The following CBL variants were observed in gnomAD, a reference collection of about 807,000 sequenced individuals.
The protein encoded by CBL is E3 ubiquitin-protein ligase CBL.
In CBL, 45 loss-of-function variants were observed where a neutral mutation model predicts 96.9. The observed-to-expected ratio is 0.46, with a 90% CI of 0.37 to 0.60. CBL has a LOEUF of 0.60. Among genes scored for constraint, CBL ranks in the 20% least tolerant of loss-of-function variants. The pLI, the probability that CBL is intolerant of heterozygous loss-of-function variation, is 0.00. For missense variants in CBL, 1,024 were observed against 1,143.5 expected, an observed-to-expected ratio of 0.90 and a Z score of 1.51; for synonymous variants, 420 against 426.8, an observed-to-expected ratio of 0.98 and a Z score of 0.20.
chr11:119,224,654 G>A (rs1461542040), intron 1 of CBL, among the ~76,000 whole-genome samples: 4 of 152,090 alleles, frequency 2.6e-5, no homozygotes, highest in African/African-American at 9.7e-5. Context: ...GCAGTGGCGT[G>A]ACCTTGGCTC....
intron 9 of CBL, among the ~76,000 whole-genome samples, chr11:119,280,941 C>T (rs1437148094): frequency 6.6e-6 from 1 of 152,200 alleles, no homozygotes; most frequent in African/African-American, 2.4e-5. Flanking sequence ...CTTTTGCTTT[C>T]TTATACAACT....
intron 2 of CBL, among the ~76,000 whole-genome samples, chr11:119,251,548 A>G (rs1949669852): frequency 6.6e-6 from 1 of 152,246 alleles, no homozygotes; most frequent in Non-Finnish European, 1.5e-5. Context: ...ATTTAAGAGA[A>G]GTTACACATG....
intron 2 of CBL, among the ~76,000 whole-genome samples, chr11:119,238,151 G>C (rs1371590762): frequency 1.3e-5 from 2 of 151,778 alleles, no homozygotes; most frequent in Non-Finnish European, 2.9e-5. Context: ...GCAGGTGTGA[G>C]CCACTGTGCC....
At chr11:119,206,687 C>G in intron 1 of CBL, 75 bp downstream of exon 1, 1 of 1,099,268 alleles carries the variant, frequency 9.1e-7, no homozygotes, top group South Asian at 1.6e-5. Flanking sequence ...AACGAGCGGA[C>G]GGAGGAAGCG....
At chr11:119,292,667 GCCTTGGC>G (rs1398232715) in intron 12 of CBL, among the ~76,000 whole-genome samples, 2 of 152,072 alleles carry the variant, frequency 1.3e-5, no homozygotes, top group African/African-American at 4.8e-5. Context: ...TGATCTGCCC[GCCTTGGC>G]CTCCCAAAGT....
chr11:119,263,046 CATT>C (rs928848571), intron 2 of CBL, among the ~76,000 whole-genome samples: 26 of 152,170 alleles, frequency 1.7e-4, no homozygotes, highest in African/African-American at 6.3e-4. Flanking sequence ...TATTTCAAAG[CATT>C]ATGAGAATTA....
chr11:119,266,397 C>T (rs1042854887), intron 2 of CBL, among the ~76,000 whole-genome samples: 1 of 152,056 alleles, frequency 6.6e-6, no homozygotes, highest in Admixed American at 6.6e-5. Flanking sequence ...ATTGTGATTC[C>T]TATGAAGTTG....
intron 1 of CBL, among the ~76,000 whole-genome samples, chr11:119,230,394 C>T (rs1190784039): frequency 6.6e-6 from 1 of 152,178 alleles, no homozygotes; most frequent in Non-Finnish European, 1.5e-5. Flanking sequence ...CCCGCCTCAG[C>T]CTCCCAAAGT....
intron 2 of CBL, among the ~76,000 whole-genome samples, chr11:119,269,116 A>G (rs747797202): frequency 6.6e-6 from 1 of 152,064 alleles, no homozygotes; most frequent in Non-Finnish European, 1.5e-5. Context: ...TTCATATTCC[A>G]TTTGTGATAT....
chr11:119,242,759 AAAG>A (rs1163174018), intron 2 of CBL, among the ~76,000 whole-genome samples: 9 of 151,168 alleles, frequency 6.0e-5, no homozygotes, highest in African/African-American at 1.2e-4. Context: ...AAAAAAAAAA[AAAG>A]AAACCAGTTT....
At chr11:119,278,409 A>G (rs1226291971) in intron 8 of CBL, 101 bp from the exon 9 acceptor site, 1 of 1,546,822 alleles carries the variant, frequency 6.5e-7, no homozygotes, top group Non-Finnish European at 8.9e-7. Flanking sequence ...TTAGGTTTAA[A>G]CTTTTACTTT....
intron 12 of CBL, among the ~76,000 whole-genome samples, chr11:119,294,232 C>G (rs1769393513): frequency 6.6e-6 from 1 of 151,488 alleles, no homozygotes; most frequent in Non-Finnish European, 1.5e-5. Flanking sequence ...ATATCGAGAC[C>G]AGCCTGGGCA....
Position 119,307,401 on chromosome 11 carries a change from G to A in CBL, c.*7620G>A, listed in dbSNP as rs1950152822. 4.3e-6 allele frequency: 1 copy of A among 232,890 alleles called. No homozygotes were observed. The highest frequency in any genetic ancestry group is 5.6e-5 in the Admixed American group (1 of 17,722). 14.4% of individuals were successfully genotyped at this position (232,890 alleles called of 1,614,324 possible). On this transcript the variant is annotated 3_prime_UTR_variant, in exon 16 of 16. Transcript: ENST00000264033. ...GTTGGTGGCTTTGTCTTTTCTTTTT[G>A]CTGGATCCTGAACTGGTCTAGACCT...
chr11:119,259,402 C>T (rs968628139), intron 2 of CBL, among the ~76,000 whole-genome samples: 2 of 151,956 alleles, frequency 1.3e-5, no homozygotes, highest in African/African-American at 4.8e-5. Flanking sequence ...TGTTTTTCCC[C>T]ATTTATTGAA....
At chr11:119,207,950 G>T (rs1949287554) in intron 1 of CBL, among the ~76,000 whole-genome samples, 2 of 152,178 alleles carry the variant, frequency 1.3e-5, no homozygotes, top group African/African-American at 4.8e-5. Context: ...TAAGTCCTGT[G>T]TGTGAATTAA....
At chr11:119,266,949 A>G (rs1234819634) in intron 2 of CBL, among the ~76,000 whole-genome samples, 1 of 152,206 alleles carries the variant, frequency 6.6e-6, no homozygotes, top group African/African-American at 2.4e-5. Context: ...TCACTGTGTG[A>G]GTTAAGGTAA....
intron 2 of CBL, among the ~76,000 whole-genome samples, chr11:119,268,124 AAT>A (rs1346075662): frequency 2.0e-5 from 3 of 152,236 alleles, no homozygotes; most frequent in Non-Finnish European, 4.4e-5. Context: ...AAAGCCTTAA[AAT>A]CCAAGCTGAG....
chr11:119,294,186 T>C (rs778254519), intron 12 of CBL, among the ~76,000 whole-genome samples: 19 of 152,046 alleles, frequency 1.2e-4, no homozygotes, highest in Non-Finnish European at 1.9e-4. Context: ...CCCAGCACTT[T>C]GGGAGGCCAA....
chr11:119,262,665 G>C (rs556842882), intron 2 of CBL, among the ~76,000 whole-genome samples: 20 of 152,334 alleles, frequency 1.3e-4, no homozygotes, highest in Admixed American at 5.2e-4. Context: ...AAGTGTGTAA[G>C]AGATACTTTC....
Sources: gnomAD v4.1 joint callset for allele counts (sites outside exome capture counted in the v4.1 genomes callset) on GRCh38, gnomAD v4.1.1 for gene constraint, MANE v1.5 for transcripts, NCBI Gene and HGNC (gene_info 2026-07-23, HGNC 2026-07-21) for gene names.